The following PDE7B variants were observed in gnomAD, a reference collection of about 807,000 sequenced individuals.
The protein encoded by PDE7B is 3',5'-cyclic-AMP phosphodiesterase 7B.
Under a neutral mutation model 56.2 loss-of-function variants are expected in PDE7B, and 29 were observed. That is an observed-to-expected ratio of 0.52 (90% CI 0.38 to 0.70). PDE7B has a LOEUF of 0.70. Among genes scored for constraint, PDE7B ranks in the 30% least tolerant of loss-of-function variants. PDE7B has a pLI of 0.00. For missense variants in PDE7B, 490 were observed against 565.0 expected (o/e 0.87, Z 1.35); for synonymous variants, 197 against 196.9 (o/e 1.00, Z 0.00).
intron 2 of PDE7B, among the ~76,000 whole-genome samples, chr6:135,959,852 C>T (rs1162084930): frequency 6.6e-6 from 1 of 152,152 alleles, no homozygotes; most frequent in African/African-American, 2.4e-5. Context: ...GAGCTCGCTG[C>T]CTCCTGGAAT....
Position 136,147,444 on chromosome 6 carries a change from G to A in PDE7B, c.260G>A (p.Gly87Glu), listed in dbSNP as rs1484356625. The part of the protein sequence containing the change: ...RYFHASRLLR[G>E]IIPQAPLHLL... ...TTCCATGCATCAAGGCTGCTTCGTGGAATTATACCACAAGCCCCTCTGCAC... is the reference window on the plus strand; with the variant it reads ...TTCCATGCATCAAGGCTGCTTCGTGAAATTATACCACAAGCCCCTCTGCAC... The change falls in exon 4 of 13, where the codon GGA becomes GAA. Residue 87 changes from glycine to glutamate, a missense_variant. Gly to Glu is a moderately conservative substitution (Grantham distance 98, BLOSUM62 -2). Transcript: ENST00000308191. The A allele has an allele frequency of 1.2e-6, 2 of 1,613,742 alleles. No homozygotes were observed. Among genetic ancestry groups the A allele is most frequent in the South Asian group, 1.1e-5 (1 of 91,062 alleles).
intron 12 of PDE7B, among the ~76,000 whole-genome samples, chr6:136,189,893 C>T (rs1297032389): frequency 6.6e-6 from 1 of 152,192 alleles, no homozygotes; most frequent in Admixed American, 6.5e-5. Context: ...TCTATTCAGA[C>T]TTTAAAATCA....
intron 12 of PDE7B, among the ~76,000 whole-genome samples, chr6:136,189,080 T>C (rs1002328389): frequency 6.6e-6 from 1 of 152,184 alleles, no homozygotes; most frequent in Non-Finnish European, 1.5e-5. Flanking sequence ...TCTGTCCTTA[T>C]TCCTCTCTGA....
intron 1 of PDE7B, among the ~76,000 whole-genome samples, chr6:135,884,009 T>C (rs911022615): frequency 1.2e-4 from 19 of 152,334 alleles, no homozygotes; most frequent in African/African-American, 2.6e-4. Flanking sequence ...TTTAATACAC[T>C]GAATATGACT....
intron 2 of PDE7B, among the ~76,000 whole-genome samples, chr6:135,956,918 A>C (rs1454517762): frequency 6.6e-6 from 1 of 152,132 alleles, no homozygotes; most frequent in Admixed American, 6.5e-5. Context: ...AGGAACGAAA[A>C]GAAAAGTCAG....
chr6:136,150,854 C>T (rs377584014), intron 5 of PDE7B, among the ~76,000 whole-genome samples: 2 of 73,636 alleles, frequency 2.7e-5, no homozygotes, highest in South Asian at 4.3e-4. Context: ...CACATATACA[C>T]ATGTGTGTGT....
At chr6:135,975,665 T>C (rs1160416488) in intron 2 of PDE7B, among the ~76,000 whole-genome samples, 1 of 152,260 alleles carries the variant, frequency 6.6e-6, no homozygotes, top group African/African-American at 2.4e-5. Flanking sequence ...TGTTCTGGGC[T>C]TAAGAGAACA....
chr6:135,954,723 C>A (rs571029409), intron 2 of PDE7B, among the ~76,000 whole-genome samples: 1 of 152,092 alleles, frequency 6.6e-6, no homozygotes, highest in Admixed American at 6.6e-5. Flanking sequence ...TGGGAATATA[C>A]AGAAAATTTT....
chr6:135,941,180 C>T (rs1774500345), intron 1 of PDE7B, among the ~76,000 whole-genome samples: 1 of 152,210 alleles, frequency 6.6e-6, no homozygotes, highest in Non-Finnish European at 1.5e-5. Context: ...CTTTACTTTC[C>T]ACTAAACTTC....
intron 1 of PDE7B, among the ~76,000 whole-genome samples, chr6:135,866,951 T>A (rs967249919): frequency 1.2e-4 from 18 of 152,182 alleles, no homozygotes; most frequent in Non-Finnish European, 2.9e-5. Flanking sequence ...TCTGTATTTA[T>A]CTGTTGCCTC....
intron 1 of PDE7B, among the ~76,000 whole-genome samples, chr6:135,934,659 G>A (rs1774358536): frequency 6.8e-6 from 1 of 146,246 alleles, no homozygotes; most frequent in Non-Finnish European, 1.5e-5. Context: ...GAACCCAGGA[G>A]GTGGAGGTTG....
chr6:135,958,458 T>C (rs1311630999), intron 2 of PDE7B, among the ~76,000 whole-genome samples: 1 of 152,194 alleles, frequency 6.6e-6, no homozygotes, highest in Non-Finnish European at 1.5e-5. Context: ...ATTATAGTTA[T>C]ATTTCATTGT....
At chr6:135,977,371 C>T (rs2128203783) in intron 2 of PDE7B, among the ~76,000 whole-genome samples, 1 of 152,216 alleles carries the variant, frequency 6.6e-6, no homozygotes, top group African/African-American at 2.4e-5. Context: ...TTGCCATCAG[C>T]TTGGATTCAG....
intron 3 of PDE7B, among the ~76,000 whole-genome samples, chr6:136,131,502 T>TC (rs1778116561): frequency 6.8e-6 from 1 of 146,100 alleles, no homozygotes; most frequent in African/African-American, 2.6e-5. Context: ...AGGTTTTTTT[T>TC]TTTTTTTTTT....
At chr6:135,907,920 T>C (rs1006007144) in intron 1 of PDE7B, among the ~76,000 whole-genome samples, 3 of 152,052 alleles carry the variant, frequency 2.0e-5, no homozygotes, top group South Asian at 2.1e-4. Context: ...TCAAAGGAAA[T>C]AGAAGATGGC....
At chr6:136,035,134 G>A (rs952576769) in intron 2 of PDE7B, 8 of 152,004 alleles carry the variant, frequency 5.3e-5, no homozygotes, top group African/African-American at 1.9e-4. Context: ...TACCTAGATG[G>A]GTCTTCTCTG....
At chr6:136,135,506 T>C (rs907243641) in intron 3 of PDE7B, among the ~76,000 whole-genome samples, 2 of 152,026 alleles carry the variant, frequency 1.3e-5, no homozygotes, top group African/African-American at 2.4e-5. Flanking sequence ...TGTCCACCCA[T>C]GTGAGGAAAT....
chr6:136,159,311 G>A (rs772258405), intron 8 of PDE7B, among the ~76,000 whole-genome samples: 1 of 152,158 alleles, frequency 6.6e-6, no homozygotes, highest in Non-Finnish European at 1.5e-5. Flanking sequence ...TATGAAAGGT[G>A]TTTTTGGAAA....
chr6:135,857,048 CCCTCCCTT>C (rs1562412223), intron 1 of PDE7B, among the ~76,000 whole-genome samples: 1 of 69,976 alleles, frequency 1.4e-5, no homozygotes, highest in Non-Finnish European at 3.6e-5. Flanking sequence ...CTCCCTCCCT[CCCTCCCTT>C]CCTTCCTCCC....
Sources: gnomAD v4.1 joint callset for allele counts (sites outside exome capture counted in the v4.1 genomes callset) on GRCh38, gnomAD v4.1.1 for gene constraint, MANE v1.5 for transcripts, NCBI Gene and HGNC (gene_info 2026-07-23, HGNC 2026-07-21) for gene names.